The following LHCGR variants were observed in gnomAD, a reference collection of about 807,000 sequenced individuals.
LHCGR encodes the protein lutropin-choriogonadotropic hormone receptor.
LHCGR carries 55 observed loss-of-function variants against 60.7 expected under a neutral mutation model. The observed-to-expected ratio is 0.91, with a 90% CI of 0.73 to 1.13. The LOEUF is 1.13. Among genes scored for constraint, LHCGR ranks in the 50% most tolerant of loss-of-function variants. The pLI, the probability that LHCGR is intolerant of heterozygous loss-of-function variation, is 0.00. For synonymous variants in LHCGR, 337 were observed against 316.5 expected (o/e 1.06, Z -0.69); for missense variants, 862 against 836.0 (o/e 1.03, Z -0.38).
chr2:48,714,414 C>T (rs1003113850), intron 6 of LHCGR, among the ~76,000 whole-genome samples: 2 of 151,730 alleles, frequency 1.3e-5, no homozygotes, highest in African/African-American at 2.4e-5. Flanking sequence ...TTTTGCAGGC[C>T]GGTGTGGGCA....
rs936138812 is a variant in LHCGR at position 48,723,560 on chromosome 2, A to G, written c.459-27T>C. 1.9e-6 allele frequency: 3 copies of G among 1,605,168 alleles called. No homozygotes were observed. In the South Asian group the frequency reaches 3.3e-5, roughly 18 times the overall value. ...TTGAGGAAAGAAATGAGAAATATTT[A>G]CTTTCTAAATTTTAGCTGCAAATAG... On this transcript the variant is annotated intron_variant, in intron 5 of 10. Coordinates refer to ENST00000294954, the MANE Select transcript of LHCGR (RefSeq NM_000233.4).
At chr2:48,713,475 C>A (rs1307110186) in intron 7 of LHCGR, among the ~76,000 whole-genome samples, 1 of 152,112 alleles carries the variant, frequency 6.6e-6, no homozygotes, top group African/African-American at 2.4e-5. Context: ...AGGCTGTTAA[C>A]ATCAAGAACT....
Position 48,755,492 on chromosome 2 carries a change from G to T in LHCGR, c.161+19C>A, listed in dbSNP as rs997526766. ...GGTCCTGCATCAAGGGCGCCGCGAC[G>T]GGAGCGCTGTGTACTCACAGTCGAG... On this transcript the variant is annotated intron_variant, in intron 1 of 10. Transcript: ENST00000294954. 3 of 1,498,968 alleles carry T rather than the reference G, an allele frequency of 2.0e-6. No individual in the cohort carries two copies. Among genetic ancestry groups the T allele is most frequent in the African/African-American group, 1.4e-5 (1 of 71,870 alleles). 92.9% of individuals were successfully genotyped at this position (1,498,968 alleles called of 1,614,324 possible). A position where few individuals can be genotyped will look rare whatever the true frequency, so the allele number is the denominator to read the frequency against.
chr2:48,728,761 A>G (rs145854297), intron 3 of LHCGR, among the ~76,000 whole-genome samples: 2 of 152,282 alleles, frequency 1.3e-5, no homozygotes, highest in Non-Finnish European at 2.9e-5. Flanking sequence ...TTCAAGAAAC[A>G]TTCACTGAAT....
chr2:48,750,931 C>A (rs1302005847), intron 1 of LHCGR, among the ~76,000 whole-genome samples: 1 of 152,194 alleles, frequency 6.6e-6, no homozygotes, highest in Non-Finnish European at 1.5e-5. Context: ...CAAAACAGCT[C>A]CCATAACAAA....
chr2:48,745,622 C>T (rs1475482779), intron 1 of LHCGR, among the ~76,000 whole-genome samples: 3 of 144,928 alleles, frequency 2.1e-5, no homozygotes, highest in Admixed American at 7.3e-5. Flanking sequence ...CGCATATTCT[C>T]ACTCATAGGT....
chr2:48,718,113 A>G (rs139580302), intron 6 of LHCGR, among the ~76,000 whole-genome samples: 141 of 152,110 alleles, frequency 9.3e-4, no homozygotes, highest in African/African-American at 3.3e-3. Flanking sequence ...CCAAAACATC[A>G]TGGTGTCAGA....
At chr2:48,734,003 C>T (rs1003237031) in intron 1 of LHCGR, among the ~76,000 whole-genome samples, 1 of 152,160 alleles carries the variant, frequency 6.6e-6, no homozygotes, top group Admixed American at 6.5e-5. Flanking sequence ...CCTGCAATTC[C>T]ACTCCTGTAT....
intron 10 of LHCGR, among the ~76,000 whole-genome samples, chr2:48,693,769 A>G (rs1308308126): frequency 6.6e-6 from 1 of 152,206 alleles, no homozygotes; most frequent in Non-Finnish European, 1.5e-5. Flanking sequence ...GATAGCATTA[A>G]GACTCATTTT....
chr2:48,721,444 A>G (rs950265129), intron 6 of LHCGR: 5 of 254,892 alleles, frequency 2.0e-5, no homozygotes, highest in Non-Finnish European at 3.9e-5. Context: ...TGAGAGTTGC[A>G]AGTAAAGAGT....
intron 7 of LHCGR, among the ~76,000 whole-genome samples, chr2:48,712,318 C>T (rs995996728): frequency 1.1e-4 from 16 of 152,094 alleles, no homozygotes; most frequent in African/African-American, 3.4e-4. Context: ...AGGACTTAAT[C>T]ATCTTCATTC....
At chr2:48,713,640 C>A (rs1668104253) in intron 7 of LHCGR, among the ~76,000 whole-genome samples, 2 of 152,106 alleles carry the variant, frequency 1.3e-5, no homozygotes, top group African/African-American at 4.8e-5. Flanking sequence ...GCAGTGGGGC[C>A]AGGAGAAGAA....
intron 4 of LHCGR, among the ~76,000 whole-genome samples, chr2:48,724,605 A>C (rs1191665946): frequency 1.3e-5 from 2 of 152,210 alleles, no homozygotes; most frequent in Non-Finnish European, 2.9e-5. Flanking sequence ...GGTGAATATC[A>C]CAGTTTTGGA....
chr2:48,720,470 C>T (rs1444897230), intron 6 of LHCGR: 1 of 152,196 alleles, frequency 6.6e-6, no homozygotes, highest in Non-Finnish European at 1.5e-5. Context: ...ATAAAGCCTA[C>T]TCTATTGAAT....
chr2:48,716,199 G>A (rs1668243061), intron 6 of LHCGR, among the ~76,000 whole-genome samples: 1 of 152,200 alleles, frequency 6.6e-6, no homozygotes, highest in African/African-American at 2.4e-5. Context: ...ACCCTGCAAA[G>A]AGAAGCTAGG....
At chr2:48,717,926 C>T (rs1668333578) in intron 6 of LHCGR, among the ~76,000 whole-genome samples, 1 of 135,166 alleles carries the variant, frequency 7.4e-6, no homozygotes, top group East Asian at 2.4e-4. Context: ...TTGCTCTTGT[C>T]TCTTTTCTTA....
chr2:48,732,948 G>A (rs368315754), intron 1 of LHCGR: 20 of 534,340 alleles, frequency 3.7e-5, no homozygotes, highest in Non-Finnish European at 6.9e-5. Context: ...AAGGATCCGA[G>A]AAGAACAGGG....
At chr2:48,701,239 A>C (rs1432535090) in intron 8 of LHCGR, among the ~76,000 whole-genome samples, 2 of 152,100 alleles carry the variant, frequency 1.3e-5, no homozygotes, top group African/African-American at 2.4e-5. Context: ...ACGAAGAATA[A>C]CAAGGACAGC....
At chr2:48,737,255 A>G (rs1669241259) in intron 1 of LHCGR, among the ~76,000 whole-genome samples, 2 of 152,238 alleles carry the variant, frequency 1.3e-5, no homozygotes, top group South Asian at 4.1e-4. Context: ...CATTTTCCAC[A>G]GATAATGAGT....
Sources: gnomAD v4.1 joint callset for allele counts (sites outside exome capture counted in the v4.1 genomes callset) on GRCh38, gnomAD v4.1.1 for gene constraint, MANE v1.5 for transcripts, NCBI Gene and HGNC (gene_info 2026-07-23, HGNC 2026-07-21) for gene names.